The following GPR21 variants were observed in gnomAD, a reference collection of about 807,000 sequenced individuals.
GPR21 encodes the protein probable G protein-coupled receptor 21.
In GPR21, 9 loss-of-function variants were observed where a neutral mutation model predicts 21.5. The ratio of observed to expected loss-of-function variants is 0.42; its 90% CI spans 0.25 to 0.73. The LOEUF (loss-of-function observed/expected upper bound fraction) is 0.73, where lower values mean the gene tolerates loss of function less well. GPR21 is among the 30% of genes least tolerant of loss of function. The pLI is 0.27. For synonymous variants in GPR21, 169 were observed against 159.3 expected, an observed-to-expected ratio of 1.06 and a Z score of -0.46; for missense variants, 416 against 428.9, an observed-to-expected ratio of 0.97 and a Z score of 0.27.
chr9:123,046,650 G>C, the GPR21 span, among the ~76,000 whole-genome samples: 1 of 152,262 alleles, frequency 6.6e-6, no homozygotes, highest in Admixed American at 6.5e-5. Flanking sequence ...TTGGCATGCA[G>C]TAAGCACTCA....
Position 123,034,882 on chromosome 9 carries a change from G to A in GPR21, c.316G>A (p.Gly106Ser). 2 of 1,613,870 alleles carry A rather than the reference G, an allele frequency of 1.2e-6. No individual in the cohort carries two copies. Among genetic ancestry groups the A allele is most frequent in the Non-Finnish European group, 1.7e-6 (2 of 1,179,840 alleles). ...VEESLTCQIF[G>S]FVVSVLKSVS... is the part of the protein sequence containing the mutation. Reference sequence around the variant, plus strand: ...GGAGTCCTTGACTTGCCAGATATTTGGTTTTGTAGTATCAGTTCTGAAGAG... The same window carrying A: ...GGAGTCCTTGACTTGCCAGATATTTAGTTTTGTAGTATCAGTTCTGAAGAG... The change falls in exon 2 of 2, where the codon GGT becomes AGT. Residue 106 changes from glycine to serine, a missense_variant. Physicochemically the swap from Gly to Ser is moderately conservative, Grantham distance 56 (BLOSUM62 0). Transcript: ENST00000616002.
In GPR21 at chr9:123,034,940, T is replaced by C; in HGVS notation, c.374T>C (p.Ile125Thr). The change falls in exon 2 of 2, where the codon ATT (isoleucine) becomes ACT (threonine). Residue 125 changes from isoleucine to threonine, a missense_variant. Coordinates refer to ENST00000616002, the MANE Select transcript of GPR21 (RefSeq NM_005294.3). ...VSMASLACIS[I>T]DRYIAITKPL... Reference sequence around the variant, plus strand: ...ATGGCTTCTCTGGCCTGTATCAGCATTGATAGATACATTGCCATTACTAAA... The same window carrying C: ...ATGGCTTCTCTGGCCTGTATCAGCACTGATAGATACATTGCCATTACTAAA... 4 of 1,611,916 alleles carry C rather than the reference T, an allele frequency of 2.5e-6. No homozygotes were observed. The highest frequency in any genetic ancestry group is 3.4e-6 in the Non-Finnish European group (4 of 1,177,952).
At chr9:123,036,022 A>C (rs529323968), downstream of GPR21, among the ~76,000 whole-genome samples, 54 of 152,322 alleles carry the variant, frequency 3.5e-4, no homozygotes, top group South Asian at 2.7e-3. Context: ...CTTTCCAGCT[A>C]TTTGGGCTTC....
the GPR21 span, among the ~76,000 whole-genome samples, chr9:123,046,486 G>A: frequency 6.6e-6 from 1 of 152,216 alleles, no homozygotes; most frequent in Non-Finnish European, 1.5e-5. Flanking sequence ...ACAGACCTGG[G>A]TTTGAATCCT....
the GPR21 span, among the ~76,000 whole-genome samples, chr9:123,041,837 A>AT: frequency 2.6e-4 from 39 of 152,312 alleles, no homozygotes; most frequent in Middle Eastern, 3.4e-3. Context: ...ATAGAGACTA[A>AT]AAAACAAGAA....
the GPR21 span, among the ~76,000 whole-genome samples, chr9:123,048,576 T>TTA: frequency 6.6e-6 from 1 of 152,210 alleles, no homozygotes. Flanking sequence ...AAGAGAGCAT[T>TTA]TGATATGCAG....
chr9:123,034,841 A>ACCC lies in GPR21; in HGVS notation c.278_280dup (p.Pro93dup). On this transcript the variant is annotated inframe_insertion, in exon 2 of 2. Transcript: ENST00000616002. ...GTCCCTTCTTTATCACTCCTCCATC[A>ACCC]CCCCCTTCCAGTAGAGGAGTCCTTG... The ACCC allele has an allele frequency of 6.2e-7, 1 of 1,613,056 alleles. No homozygotes were observed. Among genetic ancestry groups the ACCC allele is most frequent in the Non-Finnish European group, 8.5e-7 (1 of 1,179,754 alleles).
Position 123,034,989 on chromosome 9 carries a change from T to TA in GPR21, c.424dup (p.Thr142AsnfsTer106). 6.2e-7 allele frequency: 1 copy of TA among 1,613,862 alleles called. No individual in the cohort carries two copies. The highest frequency in any genetic ancestry group is 8.5e-7 in the Non-Finnish European group (1 of 1,179,732). On this transcript the variant is annotated frameshift_variant, in exon 2 of 2. Coordinates refer to ENST00000616002, the MANE Select transcript of GPR21 (RefSeq NM_005294.3). LOFTEE classifies it high-confidence loss of function. ...AACCTTTAACCTATAATACTCTGGT[T>TA]ACACCCTGGAGACTACGCCTGTGTA...
chr9:123,034,629 T>C lies in GPR21; in HGVS notation c.63T>C (p.Tyr21=), dbSNP rs1270455922. ...SHPFCLLAFG[Y]LETVNFCLLE... is the part of the protein sequence containing the mutation. The stretch of plus-strand genomic sequence containing the variant: ...CTTTTTGCCTCTTGGCATTTGGCTA[T>C]TTGGAAACTGTCAATTTTTGCCTTT... Residue 21 remains tyrosine, a synonymous_variant, in exon 2 of 2, where the codon TAT becomes TAC. Transcript: ENST00000616002. 1.9e-6 allele frequency: 3 copies of C among 1,613,934 alleles called. No homozygotes were observed. The highest frequency in any genetic ancestry group is 2.5e-6 in the Non-Finnish European group (3 of 1,179,816).
the GPR21 span, among the ~76,000 whole-genome samples, chr9:123,044,649 G>GTGTA: frequency 1.1e-4 from 16 of 151,990 alleles, no homozygotes; most frequent in Non-Finnish European, 1.5e-4. Context: ...GTGTGTGTGT[G>GTGTA]TGTGTATGTG....
the GPR21 span, among the ~76,000 whole-genome samples, chr9:123,049,080 TAAAG>T: frequency 2.0e-5 from 3 of 152,222 alleles, no homozygotes; most frequent in African/African-American, 7.2e-5. Flanking sequence ...TTTCATTAAA[TAAAG>T]AGCCATCTTT....
the GPR21 span, among the ~76,000 whole-genome samples, chr9:123,045,146 C>G: frequency 6.6e-6 from 1 of 152,166 alleles, no homozygotes; most frequent in East Asian, 1.9e-4. Context: ...TAAATTCTGT[C>G]TATCAGCTTT....
Position 123,035,247 on chromosome 9 carries a change from A to G in GPR21, c.681A>G (p.Glu227=). 6.2e-7 allele frequency: 1 copy of G among 1,614,202 alleles called. No homozygotes were observed. Among genetic ancestry groups the G allele is most frequent in the Non-Finnish European group, 8.5e-7 (1 of 1,180,036 alleles). ...ICQQHTKDIS[E]RQARFSSQSG... ...AACAGCACACAAAGGATATCAGCGA[A>G]AGGCAAGCCCGCTTCAGCAGCCAGA... Residue 227 remains glutamate (E), a synonymous_variant, in exon 2 of 2, where the codon GAA becomes GAG. Transcript: ENST00000616002.
downstream of GPR21, among the ~76,000 whole-genome samples, chr9:123,038,217 C>T (rs1169997432): frequency 6.6e-6 from 1 of 151,998 alleles, no homozygotes; most frequent in Non-Finnish European, 1.5e-5. Context: ...GCGTTTTTTT[C>T]ACGGGCCTAT....
chr9:123,036,577 C>T (rs953781534), downstream of GPR21, among the ~76,000 whole-genome samples: 5 of 152,062 alleles, frequency 3.3e-5, no homozygotes, highest in Non-Finnish European at 7.4e-5. Flanking sequence ...AGAAGGGTGT[C>T]GGTCATAAGC....
chr9:123,048,319 G>A, the GPR21 span, among the ~76,000 whole-genome samples: 29 of 152,208 alleles, frequency 1.9e-4, no homozygotes, highest in African/African-American at 6.3e-4. Context: ...AGCTAACTTT[G>A]TAAAGTAAAA....
chr9:123,039,339 T>C (rs998215723), downstream of GPR21, among the ~76,000 whole-genome samples: 65 of 152,292 alleles, frequency 4.3e-4, no homozygotes, highest in African/African-American at 1.5e-3. Context: ...AGGGACAGTG[T>C]CTCTTATCTG....
the GPR21 span, among the ~76,000 whole-genome samples, chr9:123,041,707 G>C: frequency 1.3e-5 from 2 of 152,294 alleles, no homozygotes; most frequent in Non-Finnish European, 2.9e-5. Context: ...TGACTCAGCG[G>C]AATCAACAGA....
the GPR21 span, among the ~76,000 whole-genome samples, chr9:123,045,371 G>A: frequency 3.9e-5 from 6 of 152,168 alleles, no homozygotes; most frequent in Admixed American, 2.0e-4. Context: ...CTGGGGAACT[G>A]AATCAGACTA....
Sources: allele counts gnomAD v4.1 joint callset (sites outside exome capture counted in the v4.1 genomes callset), GRCh38; gene constraint gnomAD v4.1.1; transcripts MANE v1.5; gene names NCBI Gene and HGNC (gene_info 2026-07-23, HGNC 2026-07-21).